The following TMEM163 variants were observed in gnomAD, a reference collection of about 807,000 sequenced individuals.
TMEM163 encodes transmembrane protein 163.
TMEM163 carries 17 observed loss-of-function variants against 29.3 expected under a neutral mutation model. The ratio of observed to expected loss-of-function variants is 0.58; its 90% CI spans 0.40 to 0.87. The LOEUF (loss-of-function observed/expected upper bound fraction) is 0.87, where lower values mean the gene tolerates loss of function less well. TMEM163 is among the 40% of genes least tolerant of loss of function. The pLI, the probability that TMEM163 is intolerant of heterozygous loss-of-function variation, is 0.00. For synonymous variants in TMEM163, 157 were observed against 160.6 expected, an observed-to-expected ratio of 0.98 and a Z score of 0.17; for missense variants, 303 against 381.5, an observed-to-expected ratio of 0.79 and a Z score of 1.71.
chr2:134,664,698 G>T (rs2104861601), intron 2 of TMEM163, among the ~76,000 whole-genome samples: 1 of 152,190 alleles, frequency 6.6e-6, no homozygotes, highest in South Asian at 2.1e-4. Flanking sequence ...TCACAAGCAG[G>T]GGGATACAGG....
chr2:134,558,630 T>C (rs1455426708), intron 2 of TMEM163, among the ~76,000 whole-genome samples: 1 of 152,030 alleles, frequency 6.6e-6, no homozygotes, highest in Non-Finnish European at 1.5e-5. Context: ...ACAAAATACC[T>C]TGGAAATGCA....
intron 2 of TMEM163, among the ~76,000 whole-genome samples, chr2:134,674,486 GGCGCGCGCGCGCGCGCGC>G (rs752979552): frequency 1.1e-5 from 1 of 91,596 alleles, no homozygotes; most frequent in East Asian, 2.2e-4. Flanking sequence ...TGGGACTACA[GGCGCGCGCGCGCGCGCGC>G]GCGCGCTACC....
chr2:134,460,075 A>AT lies in TMEM163; in HGVS notation c.668-1903_668-1902insA, dbSNP rs79819887. On this transcript the variant is annotated intron_variant, in intron 6 of 7. Coordinates refer to ENST00000281924, the MANE Select transcript of TMEM163 (RefSeq NM_030923.5). The surrounding 1 kb of genome is among the most constrained non-coding windows in gnomAD (Gnocchi z 4.3). The stretch of plus-strand genomic sequence containing the variant: ...CCCCTCGAGCCCCTTGCCAGATGTT[A>AT]CCCCCCCCCAAATTCATTCTCACTC... 1.7e-4 allele frequency among the ~76,000 whole-genome samples: 21 copies of AT among 120,004 alleles called. No individual in the cohort carries two copies. Among genetic ancestry groups the AT allele is most frequent in the African/African-American group, 6.9e-4 (20 of 28,796 alleles). 78.7% of individuals were successfully genotyped at this position (120,004 alleles called of 152,430 possible). A position where few individuals can be genotyped will look rare whatever the true frequency, so the allele number is the denominator to read the frequency against.
intron 4 of TMEM163, among the ~76,000 whole-genome samples, chr2:134,548,796 A>C (rs1680844298): frequency 6.6e-6 from 1 of 152,228 alleles, no homozygotes; most frequent in Non-Finnish European, 1.5e-5. Context: ...CATAGCCTGA[A>C]GGTAATCTTA....
intron 2 of TMEM163, among the ~76,000 whole-genome samples, chr2:134,616,881 T>A (rs1295234904): frequency 6.6e-6 from 1 of 152,200 alleles, no homozygotes; most frequent in Non-Finnish European, 1.5e-5. Flanking sequence ...AACAAGGACA[T>A]CCTCAGCCAA....
chr2:134,577,506 C>T (rs567220765), intron 2 of TMEM163, among the ~76,000 whole-genome samples: 2 of 152,288 alleles, frequency 1.3e-5, no homozygotes, highest in South Asian at 2.1e-4. Context: ...AGACCATCCG[C>T]AGAGCAAGCT....
chr2:134,517,055 C>A (rs1680086687), intron 4 of TMEM163, among the ~76,000 whole-genome samples: 1 of 151,790 alleles, frequency 6.6e-6, no homozygotes. Context: ...TACCCCCACC[C>A]ACCCCCGCCA....
intron 2 of TMEM163, among the ~76,000 whole-genome samples, chr2:134,662,152 G>T (rs1683769378): frequency 6.6e-6 from 1 of 151,812 alleles, no homozygotes; most frequent in Non-Finnish European, 1.5e-5. Context: ...AGCCAGGATG[G>T]TCTCGATCTC....
intron 2 of TMEM163, among the ~76,000 whole-genome samples, chr2:134,700,909 C>A (rs4953924): frequency 1.4e-4 from 8 of 58,706 alleles, no homozygotes; most frequent in Admixed American, 3.7e-4. Flanking sequence ...CTCGAAAATA[C>A]ATAAATAAAT....
At chr2:134,489,698 G>A (rs1363091666) in intron 5 of TMEM163, among the ~76,000 whole-genome samples, 9 of 152,168 alleles carry the variant, frequency 5.9e-5, no homozygotes, top group Admixed American at 5.9e-4. Context: ...GATGGTGAAA[G>A]GGGCCATACT....
chr2:134,634,446 A>T (rs532947975), intron 2 of TMEM163, among the ~76,000 whole-genome samples: 4 of 152,328 alleles, frequency 2.6e-5, no homozygotes, highest in African/African-American at 9.6e-5. Flanking sequence ...CATGAACAAT[A>T]ATTCAAGACC....
intron 2 of TMEM163, among the ~76,000 whole-genome samples, chr2:134,668,958 C>T (rs1000456676): frequency 1.3e-5 from 2 of 152,066 alleles, no homozygotes; most frequent in South Asian, 4.1e-4. Context: ...CTCACTGGCT[C>T]ACAGCCTCCA....
rs557724125 is a variant in TMEM163, at chr2:134,492,679, G to A, written c.555+10222C>T. ...GAGACCCACCCACATCACCGCATGC[G>A]TCAGTAGTGTCTACCACCGAGCAGT... On this transcript the variant is annotated intron_variant, in intron 5 of 7. Coordinates refer to ENST00000281924, the MANE Select transcript of TMEM163 (RefSeq NM_030923.5). Among the ~76,000 whole-genome samples, 15 of 152,150 alleles carry A rather than the reference G, an allele frequency of 9.9e-5. No homozygotes were observed. In the South Asian group the frequency reaches 1.5e-3, roughly 15 times the overall value.
chr2:134,666,386 G>A (rs1683873660), intron 2 of TMEM163, among the ~76,000 whole-genome samples: 1 of 152,030 alleles, frequency 6.6e-6, no homozygotes, highest in South Asian at 2.1e-4. Context: ...CACCCACACA[G>A]ACCATCTATT....
chr2:134,610,180 GA>G (rs1682470204), intron 2 of TMEM163, among the ~76,000 whole-genome samples: 1 of 152,216 alleles, frequency 6.6e-6, no homozygotes, highest in South Asian at 2.1e-4. Flanking sequence ...CTGGTGACCG[GA>G]TGGACCCTCA....
chr2:134,645,612 C>A (rs1364393136), intron 2 of TMEM163, among the ~76,000 whole-genome samples: 2 of 152,142 alleles, frequency 1.3e-5, no homozygotes, highest in Admixed American at 6.5e-5. Flanking sequence ...TGTGGTATAT[C>A]CATATAATGG....
intron 2 of TMEM163, among the ~76,000 whole-genome samples, chr2:134,590,363 C>A (rs571393013): frequency 6.6e-6 from 1 of 152,292 alleles, no homozygotes; most frequent in Non-Finnish European, 1.5e-5. Context: ...TCTCAGAGAC[C>A]CCAGCTCAGC....
At chr2:134,531,431 C>T (rs1680414731) in intron 4 of TMEM163, among the ~76,000 whole-genome samples, 1 of 152,170 alleles carries the variant, frequency 6.6e-6, no homozygotes, top group Admixed American at 6.5e-5. Context: ...GGTGTCAGAT[C>T]CCACAAGGTG....
chr2:134,609,126 GACAGACCCCGAGAACTGTGCTGGTGAAA>G (rs1682431348), intron 2 of TMEM163, among the ~76,000 whole-genome samples: 1 of 29,988 alleles, frequency 3.3e-5, no homozygotes, highest in African/African-American at 1.2e-4. Context: ...TGGTGAAAAG[GACAGACCCCGAGAACTGTGCTGGTGAAA>G]AGGACAGACC....
Sources: gnomAD v4.1 joint callset for allele counts (sites outside exome capture counted in the v4.1 genomes callset) on GRCh38, gnomAD v4.1.1 for gene constraint, Gnocchi (gnomAD v3.1) non-coding constraint, MANE v1.5 for transcripts, NCBI Gene and HGNC (gene_info 2026-07-23, HGNC 2026-07-21) for gene names.